SCHIP1: variants seen among roughly 807,000 people sequenced by gnomAD.
The protein encoded by SCHIP1 is schwannomin-interacting protein 1.
In SCHIP1, 8 loss-of-function variants were observed where a neutral mutation model predicts 29.7. The ratio of observed to expected loss-of-function variants is 0.27; its 90% CI spans 0.16 to 0.49. SCHIP1 has a LOEUF of 0.49. Ranked by LOEUF, SCHIP1 falls within the 20% of genes least tolerant of loss-of-function variation. The probability of loss-of-function intolerance (pLI) is 0.99; values close to 1 mark genes in which losing one functional copy is unlikely to be tolerated. For missense variants in SCHIP1, 193 were observed against 294.6 expected, an observed-to-expected ratio of 0.66 and a Z score of 2.52; for synonymous variants, 76 against 94.9, an observed-to-expected ratio of 0.80 and a Z score of 1.16.
chr3:159,576,800 G>C, the SCHIP1 span, among the ~76,000 whole-genome samples: 6 of 152,068 alleles, frequency 3.9e-5, no homozygotes, highest in Admixed American at 3.9e-4. Flanking sequence ...TGCATCTGTT[G>C]AAACACACAC....
the SCHIP1 span, among the ~76,000 whole-genome samples, chr3:159,540,582 C>T: frequency 0.95 from 144,929 of 152,170 alleles, 69,104 homozygotes; most frequent in East Asian, 1. Context: ...AAGACCACCA[C>T]GGCACCTTTT....
the SCHIP1 span, among the ~76,000 whole-genome samples, chr3:159,379,949 C>G: frequency 2.0e-5 from 3 of 152,174 alleles, no homozygotes; most frequent in African/African-American, 4.8e-5. Context: ...TATATTTTCT[C>G]TTTGTTTTCT....
the SCHIP1 span, among the ~76,000 whole-genome samples, chr3:159,698,641 T>G: frequency 1.3e-5 from 2 of 152,264 alleles, no homozygotes; most frequent in Admixed American, 6.5e-5. Flanking sequence ...TTTTTTTTAT[T>G]TTTTTATTTT....
At chr3:159,422,462 TTTTA>T in the SCHIP1 span, among the ~76,000 whole-genome samples, 1 of 152,238 alleles carries the variant, frequency 6.6e-6, no homozygotes, top group Non-Finnish European at 1.5e-5. Context: ...TTATTAAATC[TTTTA>T]TTGACATTTG....
At chr3:159,807,873 ACTTCTC>A in the SCHIP1 span, among the ~76,000 whole-genome samples, 1 of 152,180 alleles carries the variant, frequency 6.6e-6, no homozygotes, top group Non-Finnish European at 1.5e-5. Flanking sequence ...GGCAGGTACT[ACTTCTC>A]TTGTACAGAG....
the SCHIP1 span, among the ~76,000 whole-genome samples, chr3:159,777,318 C>T: frequency 1.2e-4 from 19 of 152,108 alleles, no homozygotes; most frequent in African/African-American, 4.6e-4. Flanking sequence ...GCCAAGAGGT[C>T]TGGTGAGATT....
At chr3:159,589,118 AT>A in the SCHIP1 span, among the ~76,000 whole-genome samples, 1 of 152,026 alleles carries the variant, frequency 6.6e-6, no homozygotes, top group South Asian at 2.1e-4. Context: ...TCTTCCATTC[AT>A]TTGTGTCCTG....
At chr3:159,704,333 G>A in the SCHIP1 span, among the ~76,000 whole-genome samples, 1 of 150,482 alleles carries the variant, frequency 6.6e-6, no homozygotes. Context: ...TACTCGGGAG[G>A]CTGAGTCAGG....
the SCHIP1 span, among the ~76,000 whole-genome samples, chr3:159,413,291 A>T: frequency 7.2e-5 from 11 of 152,212 alleles, no homozygotes; most frequent in African/African-American, 2.7e-4. Flanking sequence ...AGAACAGAGC[A>T]AAATGAGGCT....
the SCHIP1 span, among the ~76,000 whole-genome samples, chr3:159,468,777 A>ATATATATATATATTTT: frequency 1.6e-5 from 2 of 127,338 alleles, no homozygotes; most frequent in South Asian, 2.5e-4. Context: ...ATATATATAT[A>ATATATATATATATTTT]TTTTTTTTAG....
chr3:159,436,101 G>A, the SCHIP1 span, among the ~76,000 whole-genome samples: 1 of 152,138 alleles, frequency 6.6e-6, no homozygotes, highest in African/African-American at 2.4e-5. Context: ...CTCTACAGGT[G>A]TGGTCACCCA....
chr3:159,523,691 C>G, the SCHIP1 span, among the ~76,000 whole-genome samples: 1 of 152,132 alleles, frequency 6.6e-6, no homozygotes, highest in Non-Finnish European at 1.5e-5. Flanking sequence ...CGTCATCCAC[C>G]CATCCATTCA....
chr3:159,507,918 C>A, the SCHIP1 span, among the ~76,000 whole-genome samples: 1 of 152,062 alleles, frequency 6.6e-6, no homozygotes, highest in East Asian at 1.9e-4. Flanking sequence ...GGATATTGGT[C>A]TAAAATTCTC....
chr3:159,670,098 G>A, the SCHIP1 span, among the ~76,000 whole-genome samples: 1 of 152,214 alleles, frequency 6.6e-6, no homozygotes, highest in African/African-American at 2.4e-5. Context: ...CTGTTGTAGG[G>A]AACATTTGTA....
the SCHIP1 span, among the ~76,000 whole-genome samples, chr3:159,719,882 G>A: frequency 7.9e-5 from 12 of 152,208 alleles, no homozygotes; most frequent in Non-Finnish European, 1.6e-4. Context: ...CCCATTACTG[G>A]GTATACACCC....
the SCHIP1 span, chr3:159,722,037 A>T: frequency 2.7e-6 from 1 of 367,014 alleles, no homozygotes; most frequent in Non-Finnish European, 5.2e-6. Flanking sequence ...GTACTTTATT[A>T]TGTCTGCATT....
chr3:159,445,806 C>G, the SCHIP1 span, among the ~76,000 whole-genome samples: 1 of 137,338 alleles, frequency 7.3e-6, no homozygotes. Context: ...TGTTCTCACT[C>G]ATAGATGGGA....
chr3:159,888,886 G>C (rs771650040), exon 5 of SCHIP1: 1 of 1,614,120 alleles, frequency 6.2e-7, no homozygotes. Context: ...CGACCTGAGA[G>C]ACATGACTAT....
At chr3:159,531,278 T>C in the SCHIP1 span, among the ~76,000 whole-genome samples, 1,143 of 152,308 alleles carry the variant, frequency 7.5e-3, 14 homozygotes, top group African/African-American at 0.026. Context: ...AAATGATTCC[T>C]AGAGATGTTT....
Sources: gnomAD v4.1 joint callset for allele counts (sites outside exome capture counted in the v4.1 genomes callset) on GRCh38, gnomAD v4.1.1 for gene constraint, MANE v1.5 for transcripts, NCBI Gene and HGNC (gene_info 2026-07-23, HGNC 2026-07-21) for gene names.